The following FAM131B variants were observed in gnomAD, a reference collection of about 807,000 sequenced individuals.
FAM131B encodes family with sequence similarity 131 member B.
In FAM131B, 19 loss-of-function variants were observed where a neutral mutation model predicts 42.0. That is an observed-to-expected ratio of 0.45 (90% CI 0.32 to 0.66). The LOEUF is 0.66. Ranked by LOEUF, FAM131B falls within the 30% of genes least tolerant of loss-of-function variation. FAM131B has a pLI of 0.05. For synonymous variants in FAM131B, 183 were observed against 177.6 expected (o/e 1.03, Z -0.24); for missense variants, 370 against 468.4 (o/e 0.79, Z 1.94).
the FAM131B span, chr7:143,379,957 G>A: frequency 1.4e-5 from 9 of 626,076 alleles, no homozygotes; most frequent in Non-Finnish European, 1.8e-5. Context: ...TCTTCAGCTC[G>A]GCCTCTGCTT....
chr7:143,359,921 G>T lies in FAM131B; in HGVS notation c.138+119C>A. On this transcript the variant is annotated intron_variant, in intron 2 of 6. Transcript: ENST00000443739. This position sits in a 1 kb window ranked among gnomAD's most constrained non-coding sequence, Gnocchi z 5.4. ...CTGGGTTCTCCATGTGGACTGCTTG[G>T]CATGTGTTGTGAGAAATGTTCTGTA... The T allele has an allele frequency of 1.0e-6, 1 of 997,898 alleles. No homozygotes were observed. The highest frequency in any genetic ancestry group is 1.5e-6 in the Non-Finnish European group (1 of 647,588). 61.8% of individuals were successfully genotyped at this position (997,898 alleles called of 1,614,324 possible).
At chr7:143,381,246 T>G in the FAM131B span, 1 of 1,023,772 alleles carries the variant, frequency 9.8e-7, no homozygotes, top group Non-Finnish European at 1.2e-6. Context: ...GCTCCTTGTA[T>G]GGTCTGGGCG....
upstream of FAM131B, among the ~76,000 whole-genome samples, chr7:143,363,177 G>C (rs1804080945): frequency 6.6e-6 from 1 of 152,228 alleles, no homozygotes; most frequent in South Asian, 2.1e-4. Context: ...GGCCGCATCT[G>C]GGACACACAC....
upstream of FAM131B, among the ~76,000 whole-genome samples, chr7:143,366,049 G>C (rs890631048): frequency 5.9e-5 from 9 of 152,118 alleles, no homozygotes; most frequent in Non-Finnish European, 1.3e-4. Context: ...ATCGCACCTG[G>C]CCAAAAAAGC....
rs1202659316 is a variant in FAM131B at position 143,359,336 on chromosome 7, T to C, written c.258A>G (p.Ser86=). The C allele has an allele frequency of 3.7e-6, 6 of 1,612,718 alleles. No homozygotes were observed. In the Admixed American group the frequency reaches 8.3e-5, roughly 22 times the overall value. ...CATCAGGAGTCTCACCTGAGAATGA[T>C]GACTTGGCCAGGGCCCCAATGCCAT... ...NAYGIGALAK[S]SFSGISRSMK... The change falls in exon 4 of 7, where the codon TCA becomes TCG. Residue 86 remains serine, a synonymous_variant. Coordinates refer to ENST00000443739, the MANE Select transcript of FAM131B (RefSeq NM_001031690.3). This position sits in a 1 kb window ranked among gnomAD's most constrained non-coding sequence, Gnocchi z 5.4.
chr7:143,377,175 CT>C, the FAM131B span, among the ~76,000 whole-genome samples: 1 of 152,090 alleles, frequency 6.6e-6, no homozygotes, highest in African/African-American at 2.4e-5. Context: ...CATGCCTAGT[CT>C]TGAACTCCCG....
chr7:143,371,300 G>T, the FAM131B span, among the ~76,000 whole-genome samples: 1 of 152,042 alleles, frequency 6.6e-6, no homozygotes, highest in Non-Finnish European at 1.5e-5. Flanking sequence ...TATTTAAGGT[G>T]ATAATTACTA....
the FAM131B span, chr7:143,382,033 C>G: frequency 1.6e-6 from 1 of 606,216 alleles, no homozygotes; most frequent in Non-Finnish European, 2.8e-6. Context: ...GGTCCGTTTT[C>G]CGAAGTGTAA....
At chr7:143,373,547 A>G in the FAM131B span, among the ~76,000 whole-genome samples, 11 of 152,330 alleles carry the variant, frequency 7.2e-5, no homozygotes, top group South Asian at 4.1e-4. Flanking sequence ...ATTCAGGGCT[A>G]TGGGGAAAAC....
At chr7:143,375,416 G>C in the FAM131B span, among the ~76,000 whole-genome samples, 2 of 152,200 alleles carry the variant, frequency 1.3e-5, no homozygotes, top group Non-Finnish European at 2.9e-5. Context: ...TGAGTCTGCT[G>C]TTGGTAGACC....
chr7:143,357,927 A>G (rs776342712), intron 5 of FAM131B, among the ~76,000 whole-genome samples: 3 of 152,202 alleles, frequency 2.0e-5, no homozygotes, highest in Non-Finnish European at 2.9e-5. Context: ...CTGATGAGAT[A>G]TCCTAAGAGA....
rs1803664745 is a variant in FAM131B, at chr7:143,356,608, T to C, written c.1025A>G (p.Asp342Gly). 1.2e-6 allele frequency: 2 copies of C among 1,613,960 alleles called. No individual in the cohort carries two copies. The highest frequency in any genetic ancestry group is 1.7e-6 in the Non-Finnish European group (2 of 1,179,998). ...MSTALSRKVS[D>G]VTSSGVQSFD... ...GGACTGCACACCTGAGGATGTGACG[T>C]CAGACACCTTCCGGCTGAGAGCGGT... Residue 342 changes from aspartate (D) to glycine (G), a missense_variant, in exon 7 of 7, where the codon GAC (aspartate) becomes GGC (glycine). Physicochemically the swap from Asp to Gly is moderately conservative, Grantham distance 94. Coordinates refer to ENST00000443739, the MANE Select transcript of FAM131B (RefSeq NM_001031690.3). The surrounding 1 kb of genome is among the most constrained non-coding windows in gnomAD (Gnocchi z 4.4).
upstream of FAM131B, among the ~76,000 whole-genome samples, chr7:143,365,557 T>C (rs1563099404): frequency 6.6e-6 from 1 of 152,204 alleles, no homozygotes; most frequent in Non-Finnish European, 1.5e-5. Context: ...TTCCCTAAGA[T>C]TTCCCAGTTG....
chr7:143,372,973 A>T, the FAM131B span, among the ~76,000 whole-genome samples: 2 of 152,046 alleles, frequency 1.3e-5, no homozygotes, highest in African/African-American at 2.4e-5. Flanking sequence ...AAACATTAAA[A>T]AATAATAATA....
chr7:143,375,900 G>A, the FAM131B span, among the ~76,000 whole-genome samples: 1 of 152,160 alleles, frequency 6.6e-6, no homozygotes, highest in Non-Finnish European at 1.5e-5. Context: ...TGCTGTTGGT[G>A]CCTTGGGTCT....
upstream of FAM131B, among the ~76,000 whole-genome samples, chr7:143,365,068 T>A (rs892141668): frequency 6.6e-6 from 1 of 152,198 alleles, no homozygotes; most frequent in Non-Finnish European, 1.5e-5. Flanking sequence ...TTTATTTTAT[T>A]GGGATATATT....
rs1273150582 is a variant in FAM131B at position 143,359,713 on chromosome 7, T to C, written c.174+19A>G. 1.3e-6 allele frequency: 2 copies of C among 1,565,822 alleles called. No individual in the cohort carries two copies. The highest frequency in any genetic ancestry group is 1.7e-6 in the Non-Finnish European group (2 of 1,154,138). On this transcript the variant is annotated intron_variant, in intron 3 of 6. Coordinates refer to ENST00000443739, the MANE Select transcript of FAM131B (RefSeq NM_001031690.3). The surrounding 1 kb of genome is among the most constrained non-coding windows in gnomAD (Gnocchi z 5.4). ...AGGAGTTCGGGAGGATGGGGAGGTC[T>C]GGGGGCAGCTGCACTCACGTTGATG...
the FAM131B span, among the ~76,000 whole-genome samples, chr7:143,373,932 T>A: frequency 6.6e-6 from 1 of 152,176 alleles, no homozygotes. Context: ...CACAGAGGCC[T>A]GGGGAAGAGC....
Position 143,356,477 on chromosome 7 carries a change from G to T in FAM131B, c.*73C>A, listed in dbSNP as rs377276492. The T allele has an allele frequency of 3.6e-6, 4 of 1,123,590 alleles. No homozygotes were observed. The highest frequency in any genetic ancestry group is 1.8e-5 in the Admixed American group (1 of 55,642). The allele number at this position is 1,123,590 out of a possible 1,614,324, so 69.6% of individuals were successfully genotyped here. A position where few individuals can be genotyped will look rare whatever the true frequency, so the allele number is the denominator to read the frequency against. ...TCTGCCCAGTTTCAGCTGTACTGCT[G>T]GGGGGAGGGAGGGTATGGGTCACAG... On this transcript the variant is annotated 3_prime_UTR_variant, in exon 7 of 7. Transcript: ENST00000443739. This position sits in a 1 kb window ranked among gnomAD's most constrained non-coding sequence, Gnocchi z 4.4.
Sources: allele counts gnomAD v4.1 joint callset (sites outside exome capture counted in the v4.1 genomes callset), GRCh38; gene constraint gnomAD v4.1.1; non-coding constraint Gnocchi (gnomAD v3.1); transcripts MANE v1.5; gene names NCBI Gene and HGNC (gene_info 2026-07-23, HGNC 2026-07-21).